The following KIAA1671 variants were observed in gnomAD, a reference collection of about 807,000 sequenced individuals.
KIAA1671 encodes KIAA1671.
KIAA1671 carries 52 observed loss-of-function variants against 131.2 expected under a neutral mutation model. That is an observed-to-expected ratio of 0.40 (90% CI 0.32 to 0.50). The LOEUF (loss-of-function observed/expected upper bound fraction) is 0.50, where lower values mean the gene tolerates loss of function less well. Ranked by LOEUF, KIAA1671 falls within the 20% of genes least tolerant of loss-of-function variation. KIAA1671 has a pLI of 0.73. For synonymous variants in KIAA1671, 1,003 were observed against 961.6 expected, an observed-to-expected ratio of 1.04 and a Z score of -0.80; for missense variants, 2,360 against 2,364.2, an observed-to-expected ratio of 1.00 and a Z score of 0.04.
chr22:25,031,562 C>G (rs1316044112), intron 3 of KIAA1671, among the ~76,000 whole-genome samples: 1 of 151,798 alleles, frequency 6.6e-6, no homozygotes, highest in Non-Finnish European at 1.5e-5. Flanking sequence ...GAACTTCTGA[C>G]CTCATGATCT....
intron 1 of KIAA1671, among the ~76,000 whole-genome samples, chr22:24,957,898 G>A (rs1602025512): frequency 1.3e-5 from 2 of 149,550 alleles, no homozygotes; most frequent in African/African-American, 4.9e-5. Flanking sequence ...GGCTGGTCTC[G>A]AACTCTCGAC....
rs5996843 is a variant in KIAA1671, at chr22:25,161,471, G to A, written c.4531-9349G>A. Among the ~76,000 whole-genome samples, 185 of 152,358 alleles carry A rather than the reference G, an allele frequency of 1.2e-3. 3 individuals are homozygous for A. The South Asian group carries it at 0.031, about 26-fold the overall frequency. The stretch of plus-strand genomic sequence containing the variant: ...CAGCTCAGACAGGGGCCTGTGGCAC[G>A]ATGGTGCCTTGTGTGTGTGAGGATC... On this transcript the variant is annotated intron_variant, in intron 6 of 12. Transcript: ENST00000358431.
At position 25,001,225 on chromosome 22, in the gene KIAA1671, ATGTG is replaced by A. The variant is rs199945134; in HGVS notation, c.-207-24402_-207-24399del. On this transcript the variant is annotated intron_variant, in intron 1 of 12. Coordinates refer to ENST00000358431, the MANE Select transcript of KIAA1671 (RefSeq NM_001145206.2). The stretch of plus-strand genomic sequence containing the variant: ...TATGTGTATGTATGTGTATATATGT[ATGTG>A]TGTGTATATGTGTGTGTGTGTGTAT... 1.3e-4 allele frequency among the ~76,000 whole-genome samples: 8 copies of A among 63,978 alleles called. No individual in the cohort carries two copies. The South Asian group carries it at 2.2e-3, about 18-fold the overall frequency. The allele number at this position is 63,978 out of a possible 152,430, so 42.0% of individuals were successfully genotyped here.
At chr22:24,967,987 T>C (rs1011974045) in intron 1 of KIAA1671, among the ~76,000 whole-genome samples, 5 of 152,176 alleles carry the variant, frequency 3.3e-5, no homozygotes, top group East Asian at 3.9e-4. Flanking sequence ...AGTGAGACTC[T>C]GTCTCAAAAG....
At chr22:25,101,045 TC>T (rs577888515) in intron 6 of KIAA1671, among the ~76,000 whole-genome samples, 29 of 152,322 alleles carry the variant, frequency 1.9e-4, no homozygotes, top group Admixed American at 5.2e-4. Flanking sequence ...ATTTGTTGTT[TC>T]CCAAGAACAT....
At chr22:25,072,160 T>G (rs1035634953) in intron 6 of KIAA1671, among the ~76,000 whole-genome samples, 2 of 152,144 alleles carry the variant, frequency 1.3e-5, no homozygotes, top group African/African-American at 4.8e-5. Flanking sequence ...GGCATGCCCA[T>G]GGTACATTCC....
At chr22:25,170,037 C>G (rs941258517) in intron 6 of KIAA1671, among the ~76,000 whole-genome samples, 35 of 152,126 alleles carry the variant, frequency 2.3e-4, no homozygotes, top group African/African-American at 8.5e-4. Context: ...CCTCAGCCTC[C>G]CAAGTAGCTG....
chr22:25,072,514 G>A, intron 6 of KIAA1671, among the ~76,000 whole-genome samples: 1 of 152,172 alleles, frequency 6.6e-6, no homozygotes, highest in East Asian at 1.9e-4. Context: ...CTGTCTCTCT[G>A]AGTCACTGAA....
chr22:25,073,193 G>C (rs1928918823), intron 6 of KIAA1671, among the ~76,000 whole-genome samples: 1 of 151,628 alleles, frequency 6.6e-6, no homozygotes, highest in Non-Finnish European at 1.5e-5. Flanking sequence ...TCAGCCTCCA[G>C]AGTAGCTGGG....
intron 6 of KIAA1671, among the ~76,000 whole-genome samples, chr22:25,144,371 G>A: frequency 6.6e-6 from 1 of 152,158 alleles, no homozygotes; most frequent in Middle Eastern, 3.2e-3. Flanking sequence ...AGACTCCAGT[G>A]GTCTGCAGAT....
At chr22:25,050,196 T>C (rs1047627292) in intron 6 of KIAA1671, 66 of 152,432 alleles carry the variant, frequency 4.3e-4, no homozygotes, top group African/African-American at 1.5e-3. Flanking sequence ...GTTTCCTTAC[T>C]TGTGAAAGGA....
At chr22:25,034,316 G>C (rs974789521) in intron 4 of KIAA1671, among the ~76,000 whole-genome samples, 7 of 152,034 alleles carry the variant, frequency 4.6e-5, no homozygotes, top group Non-Finnish European at 8.8e-5. Context: ...AAAGTGCTGG[G>C]GTTACAAGTG....
intron 6 of KIAA1671, among the ~76,000 whole-genome samples, chr22:25,167,179 C>T (rs1405399071): frequency 6.6e-6 from 1 of 152,202 alleles, no homozygotes. Context: ...AAAAACATAA[C>T]ACTCCCCAGC....
chr22:25,043,737 G>A lies in KIAA1671; in HGVS notation c.4395+2212G>A, dbSNP rs376943417. On this transcript the variant is annotated intron_variant, in intron 5 of 12. Coordinates refer to ENST00000358431, the MANE Select transcript of KIAA1671 (RefSeq NM_001145206.2). ...CTTTTGGGTGGGCTGATGAGGGGAG[G>A]TGAGGGCATTCTCAGCAGGGCACAG... Among the ~76,000 whole-genome samples, 11 of 152,280 alleles carry A rather than the reference G, an allele frequency of 7.2e-5. No individual in the cohort carries two copies. The East Asian group carries it at 1.7e-3, about 24-fold the overall frequency.
chr22:24,965,605 G>C (rs1423623224), intron 1 of KIAA1671, among the ~76,000 whole-genome samples: 2 of 151,676 alleles, frequency 1.3e-5, no homozygotes, highest in African/African-American at 4.8e-5. Context: ...GCCGGGCATG[G>C]TGGCGACACC....
intron 11 of KIAA1671, 97 bp downstream of exon 11, chr22:25,185,216 AG>A (rs1601393408): frequency 7.9e-7 from 1 of 1,271,304 alleles, no homozygotes; most frequent in African/African-American, 1.5e-5. Context: ...AATAGAAGAG[AG>A]TTACAACTTT....
intron 6 of KIAA1671, among the ~76,000 whole-genome samples, chr22:25,165,566 C>T (rs964497035): frequency 1.3e-5 from 2 of 152,096 alleles, no homozygotes; most frequent in Non-Finnish European, 2.9e-5. Flanking sequence ...ATGGCTAGTG[C>T]CACAGGGGAA....
rs1205240247 is a variant in KIAA1671 at position 25,195,458 on chromosome 22, G to A, written c.*3057G>A. On this transcript the variant is annotated 3_prime_UTR_variant, in exon 13 of 13. Transcript: ENST00000358431. ...AGTGAACCTGACCTGATAGCCTCAG[G>A]ATTCAGGGAAAGGACAATCAGATGG... The A allele has an allele frequency of 6.6e-6, 1 of 152,146 alleles. No individual in the cohort carries two copies. Among genetic ancestry groups the A allele is most frequent in the Non-Finnish European group, 1.5e-5 (1 of 68,030 alleles). 9.4% of individuals were successfully genotyped at this position (152,146 alleles called of 1,614,324 possible).
At chr22:24,995,018 C>T (rs1924036145) in intron 1 of KIAA1671, among the ~76,000 whole-genome samples, 1 of 151,098 alleles carries the variant, frequency 6.6e-6, no homozygotes, top group South Asian at 2.1e-4. Context: ...CAGGCTCCTG[C>T]CTCATCCCGT....
Sources: gnomAD v4.1 joint callset for allele counts (sites outside exome capture counted in the v4.1 genomes callset) on GRCh38, gnomAD v4.1.1 for gene constraint, MANE v1.5 for transcripts, NCBI Gene and HGNC (gene_info 2026-07-23, HGNC 2026-07-21) for gene names.